ADGB: variants seen among roughly 807,000 people sequenced by gnomAD.
ADGB encodes the protein androglobin.
In ADGB, 172 loss-of-function variants were observed where a neutral mutation model predicts 210.5. The ratio of observed to expected loss-of-function variants is 0.82; its 90% CI spans 0.72 to 0.93. The LOEUF is 0.93. Ranked by LOEUF, ADGB falls within the 40% of genes least tolerant of loss-of-function variation. ADGB has a pLI of 0.00. For missense variants in ADGB, 2,025 were observed against 1,964.8 expected (o/e 1.03, Z -0.58); for synonymous variants, 658 against 662.7 (o/e 0.99, Z 0.11).
At chr6:146,747,617 AG>A (rs1777258519) in intron 26 of ADGB, among the ~76,000 whole-genome samples, 3 of 152,132 alleles carry the variant, frequency 2.0e-5, no homozygotes, top group African/African-American at 7.2e-5. Context: ...AAGCTTTCTG[AG>A]AAGAGCCTCA....
chr6:146,717,508 T>C, intron 15 of ADGB, 28 bp from the exon 16 acceptor site: 2 of 1,236,048 alleles, frequency 1.6e-6, no homozygotes, highest in Non-Finnish European at 1.1e-6. Context: ...ATAATGACAA[T>C]AACCTGTTAA....
intron 2 of ADGB, among the ~76,000 whole-genome samples, chr6:146,643,444 C>A (rs1775548377): frequency 6.6e-6 from 1 of 151,810 alleles, no homozygotes; most frequent in South Asian, 2.1e-4. Flanking sequence ...ATTCCTCAGG[C>A]ATTTCGTTTA....
At chr6:146,778,402 A>G (rs967656759) in intron 29 of ADGB, among the ~76,000 whole-genome samples, 3 of 152,190 alleles carry the variant, frequency 2.0e-5, no homozygotes, top group Non-Finnish European at 4.4e-5. Flanking sequence ...GATGTGAAAG[A>G]ATGTAGGAGA....
In ADGB at chr6:146,720,487, A is replaced by G. The variant is rs964006024; in HGVS notation, c.1993-916A>G. ...TTGATTTTACGAAGCACTTTATTCC[A>G]TCTCCAAAACAAAAACCCACAGCCT... On this transcript the variant is annotated intron_variant, in intron 16 of 35. Transcript: ENST00000397944. 2.0e-5 allele frequency among the ~76,000 whole-genome samples: 3 copies of G among 152,188 alleles called. No individual in the cohort carries two copies. The South Asian group carries it at 6.2e-4, about 32-fold the overall frequency.
chr6:146,763,002 A>G (rs1777517077), intron 27 of ADGB, among the ~76,000 whole-genome samples: 1 of 152,276 alleles, frequency 6.6e-6, no homozygotes, highest in Non-Finnish European at 1.5e-5. Context: ...TTAACTGCTC[A>G]TATACTCCCT....
At chr6:146,695,407 C>A (rs1423654069) in intron 12 of ADGB, among the ~76,000 whole-genome samples, 1 of 151,962 alleles carries the variant, frequency 6.6e-6, no homozygotes, top group Non-Finnish European at 1.5e-5. Flanking sequence ...TGTATCTACA[C>A]TGTAACAATT....
At chr6:146,691,383 C>A in intron 11 of ADGB, 93 bp downstream of exon 11, 2 of 767,902 alleles carry the variant, frequency 2.6e-6, no homozygotes, top group South Asian at 3.8e-5. Flanking sequence ...AGGTAAATCA[C>A]CCAACATTGC....
chr6:146,709,028 A>T (rs1406630717), intron 13 of ADGB, among the ~76,000 whole-genome samples: 1 of 151,894 alleles, frequency 6.6e-6, no homozygotes, highest in Non-Finnish European at 1.5e-5. Context: ...CATTTCATTC[A>T]TTGTAATGTT....
At chr6:146,714,678 G>A (rs1173487063) in intron 13 of ADGB, among the ~76,000 whole-genome samples, 1 of 152,170 alleles carries the variant, frequency 6.6e-6, no homozygotes, top group African/African-American at 2.4e-5. Flanking sequence ...TTAAGCCCAT[G>A]TCTCATTCTC....
chr6:146,794,852 CTTGTTT>C (rs1778017195), intron 33 of ADGB, among the ~76,000 whole-genome samples: 1 of 152,168 alleles, frequency 6.6e-6, no homozygotes, highest in Non-Finnish European at 1.5e-5. Flanking sequence ...TCGACTTGTC[CTTGTTT>C]GAGTATGAGA....
At chr6:146,602,955 GCT>G (rs1780581899) in intron 1 of ADGB, among the ~76,000 whole-genome samples, 1 of 152,152 alleles carries the variant, frequency 6.6e-6, no homozygotes, top group African/African-American at 2.4e-5. Context: ...GGGGATGGCT[GCT>G]CTACTTAATT....
chr6:146,781,054 G>A lies in ADGB; in HGVS notation c.3863-966G>A, dbSNP rs189921996. ...ATAAGAAATAAATTGGAGGCCGGGCGCGGTAGCTCACGCCTGTAATCCCAG... is the reference window on the plus strand; with the variant it reads ...ATAAGAAATAAATTGGAGGCCGGGCACGGTAGCTCACGCCTGTAATCCCAG... On this transcript the variant is annotated intron_variant, in intron 29 of 35. Transcript: ENST00000397944. 9.6e-4 allele frequency among the ~76,000 whole-genome samples: 146 copies of A among 151,842 alleles called. 1 individual carries two copies. The highest frequency in any genetic ancestry group is 7.8e-3 in the East Asian group (40 of 5,160).
At position 146,691,212 on chromosome 6, in the gene ADGB, C is replaced by G. The variant is rs200760702; in HGVS notation, c.1408C>G (p.Pro470Ala). ...TRSRSCPLVA[P>A]PKPPPLPPWK... is the part of the protein sequence containing the mutation. ...AAGTAGGTCTTGTCCTCTGGTAGCA[C>G]CACCAAAACCACCTCCTCTACCTCC... Residue 470 changes from proline (P) to alanine (A), a missense_variant, in exon 11 of 36, where the codon CCA becomes GCA. Pro to Ala is a conservative substitution (Grantham distance 27). Coordinates refer to ENST00000397944, the MANE Select transcript of ADGB (RefSeq NM_024694.4). 4 of 1,548,816 alleles carry G rather than the reference C, an allele frequency of 2.6e-6. No individual in the cohort carries two copies. The highest frequency in any genetic ancestry group is 2.8e-5 in the African/African-American group (2 of 72,170).
At chr6:146,647,252 G>A (rs771181392) in intron 3 of ADGB, among the ~76,000 whole-genome samples, 29 of 151,478 alleles carry the variant, frequency 1.9e-4, no homozygotes, top group Non-Finnish European at 4.0e-4. Flanking sequence ...TTAGTCTCAG[G>A]GTTTTAAGCA....
chr6:146,733,116 T>C lies in ADGB; in HGVS notation c.2521-4T>C. On this transcript the variant is annotated splice_polypyrimidine_tract_variant and splice_region_variant and intron_variant, in intron 20 of 35. Transcript: ENST00000397944. The stretch of plus-strand genomic sequence containing the variant: ...TTGCTATAAAAAAAATTTATGTGTT[T>C]CAGGTTTTTCATCTTTCCTTATGGC... The C allele has an allele frequency of 6.6e-7, 1 of 1,504,618 alleles. No individual in the cohort carries two copies. Among genetic ancestry groups the C allele is most frequent in the Non-Finnish European group, 8.9e-7 (1 of 1,124,088 alleles). The allele number at this position is 1,504,618 out of a possible 1,614,324, so 93.2% of individuals were successfully genotyped here.
intron 35 of ADGB, chr6:146,803,295 G>A (rs1778159748): frequency 6.2e-7 from 1 of 1,606,214 alleles, no homozygotes; most frequent in Non-Finnish European, 8.5e-7. Context: ...ACTATATTTT[G>A]ATGATGGGCT....
At chr6:146,612,380 T>C (rs1780724779) in intron 1 of ADGB, among the ~76,000 whole-genome samples, 1 of 152,184 alleles carries the variant, frequency 6.6e-6, no homozygotes, top group Non-Finnish European at 1.5e-5. Context: ...GAGTCATCCT[T>C]TTCTCTCCCA....
chr6:146,622,385 A>G (rs1583562858), intron 1 of ADGB, among the ~76,000 whole-genome samples: 2 of 152,024 alleles, frequency 1.3e-5, no homozygotes, highest in South Asian at 4.2e-4. Context: ...AAGCTCATTT[A>G]CGTTTTTATG....
chr6:146,695,729 A>C (rs1776392816), intron 12 of ADGB, among the ~76,000 whole-genome samples: 1 of 152,030 alleles, frequency 6.6e-6, no homozygotes, highest in South Asian at 2.1e-4. Context: ...TAAATATTAA[A>C]AGGAATGAAC....
Sources: gnomAD v4.1 joint callset for allele counts (sites outside exome capture counted in the v4.1 genomes callset) on GRCh38, gnomAD v4.1.1 for gene constraint, MANE v1.5 for transcripts, NCBI Gene and HGNC (gene_info 2026-07-23, HGNC 2026-07-21) for gene names.